CLHC1: variants seen among roughly 807,000 people sequenced by gnomAD.
The protein encoded by CLHC1 is clathrin heavy chain linker domain-containing protein 1.
A neutral mutation model predicts 69.5 loss-of-function variants in CLHC1; 72 were observed. The observed-to-expected ratio is 1.04, with a 90% CI of 0.86 to 1.26. CLHC1 has a LOEUF of 1.26. Among genes scored for constraint, CLHC1 ranks in the 50% most tolerant of loss-of-function variants. CLHC1 has a pLI of 0.00. For synonymous variants in CLHC1, 223 were observed against 224.3 expected, an observed-to-expected ratio of 0.99 and a Z score of 0.05; for missense variants, 790 against 679.3, an observed-to-expected ratio of 1.16 and a Z score of -1.81.
chr2:55,198,805 C>T (rs1021621868), intron 9 of CLHC1, among the ~76,000 whole-genome samples: 1 of 152,100 alleles, frequency 6.6e-6, no homozygotes, highest in Non-Finnish European at 1.5e-5. Context: ...TCCAATATGT[C>T]TGGCAGCAGA....
rs749438373 is a variant in CLHC1, at chr2:55,177,640, C to T, written c.1526G>A (p.Gly509Asp). ...ATTGATTTCTTGAAGTAGCTTAATG[C>T]CAACTTTTTTCATGTCTGCAGAGAA... ...HLFSADMKKVGIKLLQEINKG... is the reference protein window; with the variant it reads ...HLFSADMKKVDIKLLQEINKG... The change falls in exon 12 of 13, where the codon GGC becomes GAC. Residue 509 changes from glycine to aspartate, a missense_variant. Transcript: ENST00000401408. The T allele has an allele frequency of 4.4e-6, 7 of 1,607,740 alleles. No individual in the cohort carries two copies. The highest frequency in any genetic ancestry group is 1.3e-5 in the African/African-American group (1 of 74,704).
chr2:55,219,183 C>T (rs1486724658), intron 3 of CLHC1, among the ~76,000 whole-genome samples: 1 of 152,200 alleles, frequency 6.6e-6, no homozygotes, highest in African/African-American at 2.4e-5. Flanking sequence ...ACTTCATGAA[C>T]TCCTCTGATA....
At chr2:55,219,568 G>A (rs1330130668) in intron 3 of CLHC1, among the ~76,000 whole-genome samples, 1 of 151,958 alleles carries the variant, frequency 6.6e-6, no homozygotes, top group Non-Finnish European at 1.5e-5. Flanking sequence ...ATTTATTCAT[G>A]GTTTTATTTA....
At position 55,209,536 on chromosome 2, in the gene CLHC1, C is replaced by T; in HGVS notation, c.702-20G>A. On this transcript the variant is annotated intron_variant, in intron 6 of 12. Coordinates refer to ENST00000401408, the MANE Select transcript of CLHC1 (RefSeq NM_152385.4). ...TGATGACTAAAAAGATAAAAAACGT[C>T]AATAACACACTGAGCCTAAAATCAA... 6.3e-7 allele frequency: 1 copy of T among 1,578,932 alleles called. No individual in the cohort carries two copies.
At chr2:55,223,642 G>A (rs1014706637) in intron 2 of CLHC1, among the ~76,000 whole-genome samples, 1 of 151,660 alleles carries the variant, frequency 6.6e-6, no homozygotes, top group Non-Finnish European at 1.5e-5. Context: ...GAGGGAGGGC[G>A]CGCGGAGGCT....
chr2:55,193,620 T>A (rs1363631686), intron 9 of CLHC1, among the ~76,000 whole-genome samples: 1 of 152,042 alleles, frequency 6.6e-6, no homozygotes, highest in Non-Finnish European at 1.5e-5. Context: ...AAGTCTATAA[T>A]CAAAAGATAG....
intron 2 of CLHC1, chr2:55,224,375 C>T (rs905010489): frequency 9.0e-6 from 4 of 442,038 alleles, no homozygotes; most frequent in South Asian, 7.0e-5. Context: ...CAGAAGCTCC[C>T]CCGACACCCA....
At chr2:55,189,472 A>G (rs1301782757) in intron 9 of CLHC1, among the ~76,000 whole-genome samples, 1 of 152,212 alleles carries the variant, frequency 6.6e-6, no homozygotes, top group East Asian at 1.9e-4. Context: ...AAGGATAGTG[A>G]TCCTTGAAAG....
chr2:55,177,837 G>A, intron 11 of CLHC1, 56 bp from the exon 12 acceptor site: 2 of 1,321,426 alleles, frequency 1.5e-6, no homozygotes, highest in African/African-American at 1.5e-5. Context: ...AAATCAACTA[G>A]AAACTAGGAC....
chr2:55,230,935 T>C (rs1675257405), intron 1 of CLHC1, among the ~76,000 whole-genome samples: 1 of 152,112 alleles, frequency 6.6e-6, no homozygotes, highest in African/African-American at 2.4e-5. Context: ...TAGAGACTAG[T>C]TGGCGGACTA....
At chr2:55,205,723 T>A (rs1445677431) in intron 9 of CLHC1, 1 of 152,258 alleles carries the variant, frequency 6.6e-6, no homozygotes, top group Non-Finnish European at 1.5e-5. Context: ...GGAAACCCTG[T>A]CTCAACTAAA....
At chr2:55,229,989 C>G (rs578205480) in intron 1 of CLHC1, among the ~76,000 whole-genome samples, 1 of 152,330 alleles carries the variant, frequency 6.6e-6, no homozygotes, top group Admixed American at 6.5e-5. Context: ...AGGAGAATCA[C>G]CTAACCCGGG....
intron 11 of CLHC1, among the ~76,000 whole-genome samples, chr2:55,178,230 A>T (rs990674586): frequency 6.6e-6 from 1 of 152,184 alleles, no homozygotes; most frequent in Non-Finnish European, 1.5e-5. Flanking sequence ...TCTGGTGAGT[A>T]TAATGTCTTT....
At position 55,205,021 on chromosome 2, in the gene CLHC1, G is replaced by C. The variant is rs549417601; in HGVS notation, c.1006+1249C>G. On this transcript the variant is annotated intron_variant, in intron 9 of 12. Coordinates refer to ENST00000401408, the MANE Select transcript of CLHC1 (RefSeq NM_152385.4). The stretch of plus-strand genomic sequence containing the variant: ...TGTTAAAATGGCCATACTGCCCAAA[G>C]CAGGGAAATCTACAAAGCAGGGAAC... Among the ~76,000 whole-genome samples the C allele has an allele frequency of 2.0e-5, 3 of 152,230 alleles. No homozygotes were observed. In the East Asian group the frequency reaches 5.8e-4, roughly 29 times the overall value.
intron 4 of CLHC1, among the ~76,000 whole-genome samples, chr2:55,214,025 C>T (rs576910616): frequency 1.3e-5 from 2 of 152,030 alleles, no homozygotes; most frequent in Admixed American, 6.6e-5. Context: ...TGGGGGATCA[C>T]ATGTCATGGA....
chr2:55,203,323 TG>T (rs1277769396), intron 9 of CLHC1, among the ~76,000 whole-genome samples: 3 of 152,168 alleles, frequency 2.0e-5, no homozygotes, highest in African/African-American at 7.2e-5. Context: ...CAAATTTATA[TG>T]GAACCACAAA....
rs775910003 is a variant in CLHC1 at position 55,206,257 on chromosome 2, G to C, written c.1006+13C>G. ...TTTTCATACATATATAAGGTTCAGA[G>C]AGAAATGCTTACCCTTAAATGTATT... On this transcript the variant is annotated intron_variant, in intron 9 of 12. Coordinates refer to ENST00000401408, the MANE Select transcript of CLHC1 (RefSeq NM_152385.4). The C allele has an allele frequency of 2.8e-6, 4 of 1,445,518 alleles. No homozygotes were observed. The East Asian group carries it at 9.1e-5, about 33-fold the overall frequency. The allele number at this position is 1,445,518 out of a possible 1,614,324, so 89.5% of individuals were successfully genotyped here.
At chr2:55,196,116 A>G (rs969728840) in intron 9 of CLHC1, among the ~76,000 whole-genome samples, 1 of 152,230 alleles carries the variant, frequency 6.6e-6, no homozygotes, top group Non-Finnish European at 1.5e-5. Flanking sequence ...AACTCAGCCA[A>G]TTCTCATGCA....
intron 12 of CLHC1, among the ~76,000 whole-genome samples, 185 bp downstream of exon 12, chr2:55,177,417 G>T (rs1423343569): frequency 6.6e-6 from 1 of 151,922 alleles, no homozygotes; most frequent in African/African-American, 2.4e-5. Flanking sequence ...ATTCTCTCAA[G>T]AAATATATCC....
Sources: allele counts gnomAD v4.1 joint callset (sites outside exome capture counted in the v4.1 genomes callset), GRCh38; gene constraint gnomAD v4.1.1; transcripts MANE v1.5; gene names NCBI Gene and HGNC (gene_info 2026-07-23, HGNC 2026-07-21).